The following SLIT1 variants were observed in gnomAD, a reference collection of about 807,000 sequenced individuals.
SLIT1 encodes slit homolog 1 protein.
SLIT1 carries 66 observed loss-of-function variants against 186.1 expected under a neutral mutation model. The observed-to-expected ratio is 0.35, with a 90% CI of 0.29 to 0.44. SLIT1 has a LOEUF of 0.44. SLIT1 is among the 20% of genes least tolerant of loss of function. SLIT1 has a pLI of 1.00. For missense variants in SLIT1, 1,638 were observed against 2,037.4 expected, an observed-to-expected ratio of 0.80 and a Z score of 3.77; for synonymous variants, 761 against 833.8, an observed-to-expected ratio of 0.91 and a Z score of 1.50.
chr10:97,001,247 G>A lies in SLIT1; in HGVS notation c.4470C>T (p.Gly1490=), dbSNP rs1216447237. The part of the protein sequence containing the change: ...TRPLSWVECR[G]SCPGQGCCQG... ...GGCAGCAGCCCTGGCCTGGGCACGA[G>A]CCCCGGCACTCCACCCATGACAGGG... Residue 1490 remains glycine, a synonymous_variant, in exon 37 of 37, where the codon GGC becomes GGT. Transcript: ENST00000266058. 1 of 1,613,076 alleles carries A rather than the reference G, an allele frequency of 6.2e-7. No individual in the cohort carries two copies. The highest frequency in any genetic ancestry group is 8.5e-7 in the Non-Finnish European group (1 of 1,179,964).
Position 97,090,720 on chromosome 10 carries a change from T to A in SLIT1, c.414-24634A>T, listed in dbSNP as rs115249663. On this transcript the variant is annotated intron_variant, in intron 4 of 36. Coordinates refer to ENST00000266058, the MANE Select transcript of SLIT1 (RefSeq NM_003061.3). ...GGCGGAAGAGGGTGCCACCAACAGC[T>A]CCCTTCACTGAGTGCTTGCACCACA... 3.6e-3 allele frequency among the ~76,000 whole-genome samples: 554 copies of A among 152,268 alleles called. 4 individuals are homozygous for A. Among genetic ancestry groups the A allele is most frequent in the African/African-American group, 0.013 (523 of 41,552 alleles).
intron 4 of SLIT1, among the ~76,000 whole-genome samples, chr10:97,119,912 G>GTTATATATATAT (rs1564680617): frequency 6.3e-5 from 1 of 15,840 alleles, no homozygotes; most frequent in Non-Finnish European, 1.9e-4. Flanking sequence ...TTTCCAAAGG[G>GTTATATATATAT]GTATATATAT....
chr10:97,039,412 C>T (rs1848669989), intron 21 of SLIT1, among the ~76,000 whole-genome samples: 1 of 152,198 alleles, frequency 6.6e-6, no homozygotes, highest in Non-Finnish European at 1.5e-5. Flanking sequence ...AAGAAGGCCA[C>T]CTTCTCACAT....
intron 25 of SLIT1, among the ~76,000 whole-genome samples, chr10:97,027,403 A>G (rs1054106940): frequency 6.6e-6 from 1 of 152,236 alleles, no homozygotes; most frequent in African/African-American, 2.4e-5. Context: ...GAATATAAGT[A>G]CACACACATC....
chr10:97,162,197 C>CT lies in SLIT1; in HGVS notation c.341+1182dup, dbSNP rs543975386. 2.8e-3 allele frequency among the ~76,000 whole-genome samples: 432 copies of CT among 152,320 alleles called. 2 individuals carry two copies. The highest frequency in any genetic ancestry group is 9.8e-3 in the African/African-American group (406 of 41,572). ...TAGTAATACTATTGTCATTTTTTATCTTTTCCATTTAACATTATATTGCGA... is the reference window on the plus strand; with the variant it reads ...TAGTAATACTATTGTCATTTTTTATCTTTTTCCATTTAACATTATATTGCGA... On this transcript the variant is annotated intron_variant, in intron 3 of 36. Transcript: ENST00000266058.
At chr10:97,144,630 T>C (rs1849798245) in intron 4 of SLIT1, among the ~76,000 whole-genome samples, 1 of 151,784 alleles carries the variant, frequency 6.6e-6, no homozygotes, top group Non-Finnish European at 1.5e-5. Flanking sequence ...CCCCGCTAAG[T>C]CAGAGACAAG....
At chr10:97,166,571 GAAAGAA>G (rs1375752588) in intron 1 of SLIT1, among the ~76,000 whole-genome samples, 2 of 59,452 alleles carry the variant, frequency 3.4e-5, no homozygotes, top group African/African-American at 5.8e-5. Context: ...GAGAGAGAGA[GAAAGAA>G]AGAAAGAAAG....
At chr10:97,119,939 A>ATATATATATATATATATATATATG (rs1292491658) in intron 4 of SLIT1, among the ~76,000 whole-genome samples, 41 of 136,684 alleles carry the variant, frequency 3.0e-4, no homozygotes, top group Non-Finnish European at 5.6e-4. Context: ...ATATATATAT[A>ATATATATATATATATATATATATG]TATATATGTA....
rs1220984987 is a variant in SLIT1, at chr10:97,010,325, C to T, written c.3341+668G>A. ...CAGTCACAAAGGACAACAGACTGTA[C>T]GATTCGACTTATAGGAAATCCCCAG... On this transcript the variant is annotated intron_variant, in intron 31 of 36. Transcript: ENST00000266058. This position sits in a 1 kb window ranked among gnomAD's most constrained non-coding sequence, Gnocchi z 4.8. Among the ~76,000 whole-genome samples, 7 of 152,270 alleles carry T rather than the reference C, an allele frequency of 4.6e-5. No individual in the cohort carries two copies. Among genetic ancestry groups the T allele is most frequent in the South Asian group, 2.1e-4 (1 of 4,824 alleles).
chr10:97,037,032 G>A (rs527613314), intron 22 of SLIT1, among the ~76,000 whole-genome samples: 3 of 150,082 alleles, frequency 2.0e-5, no homozygotes, highest in Non-Finnish European at 4.4e-5. Flanking sequence ...TCCTAACCTT[G>A]CAAGAATAAC....
At chr10:97,073,282 C>T (rs1164202428) in intron 4 of SLIT1, among the ~76,000 whole-genome samples, 1 of 152,196 alleles carries the variant, frequency 6.6e-6, no homozygotes, top group African/African-American at 2.4e-5. Flanking sequence ...GGGCCACCTT[C>T]ATCTTCCTCA....
chr10:97,170,176 G>A (rs1319360989), intron 1 of SLIT1, among the ~76,000 whole-genome samples: 4 of 152,324 alleles, frequency 2.6e-5, no homozygotes, highest in African/African-American at 9.6e-5. Context: ...GTGGGCTCTG[G>A]AGCCAGACCA....
chr10:97,007,536 A>G (rs1216778467), intron 31 of SLIT1, among the ~76,000 whole-genome samples: 1 of 152,206 alleles, frequency 6.6e-6, no homozygotes, highest in Non-Finnish European at 1.5e-5. Flanking sequence ...TATTGTCACC[A>G]AAATCCTCAA....
intron 31 of SLIT1, among the ~76,000 whole-genome samples, chr10:97,007,799 T>G (rs1848372811): frequency 6.6e-6 from 1 of 152,138 alleles, no homozygotes; most frequent in South Asian, 2.1e-4. Context: ...ATCAACCTGA[T>G]AAAGGGCACC....
Position 97,044,162 on chromosome 10 carries a change from G to A in SLIT1, c.1854-649C>T, listed in dbSNP as rs185569443. Among the ~76,000 whole-genome samples, 67 of 152,348 alleles carry A rather than the reference G, an allele frequency of 4.4e-4. 1 individual carries two copies. The highest frequency in any genetic ancestry group is 1.1e-3 in the Admixed American group (17 of 15,300). ...CATGCCTGTAAAAACAGCACTTTGG[G>A]AGGCCAAGGATTATTTGAAACCAGG... On this transcript the variant is annotated intron_variant, in intron 18 of 36. Coordinates refer to ENST00000266058, the MANE Select transcript of SLIT1 (RefSeq NM_003061.3).
chr10:97,110,970 C>T (rs747544285), intron 4 of SLIT1, among the ~76,000 whole-genome samples: 12 of 152,142 alleles, frequency 7.9e-5, no homozygotes, highest in African/African-American at 1.7e-4. Flanking sequence ...TGGGATAAAT[C>T]ACCTGAGGTC....
intron 4 of SLIT1, among the ~76,000 whole-genome samples, chr10:97,082,807 A>G (rs577900573): frequency 7.2e-5 from 11 of 152,302 alleles, no homozygotes; most frequent in Admixed American, 7.2e-4. Flanking sequence ...ATAGTCAGAG[A>G]GAATGTGTGT....
chr10:97,043,245 C>A lies in SLIT1; in HGVS notation c.1997+125G>T. The A allele has an allele frequency of 7.3e-7, 1 of 1,367,050 alleles. No individual in the cohort carries two copies. Among genetic ancestry groups the A allele is most frequent in the Non-Finnish European group, 1.0e-6 (1 of 980,526 alleles). 84.7% of individuals were successfully genotyped at this position (1,367,050 alleles called of 1,614,324 possible). On this transcript the variant is annotated intron_variant, in intron 19 of 36. Transcript: ENST00000266058. This position sits in a 1 kb window ranked among gnomAD's most constrained non-coding sequence, Gnocchi z 7.0. ...CGGAGGGAGACTTCGAAATGTGGAACCCACGTTTCAGCAAACCACGAAGAC... is the reference window on the plus strand; with the variant it reads ...CGGAGGGAGACTTCGAAATGTGGAAACCACGTTTCAGCAAACCACGAAGAC...
intron 22 of SLIT1, among the ~76,000 whole-genome samples, chr10:97,036,982 G>T (rs2134616230): frequency 6.6e-6 from 1 of 152,154 alleles, no homozygotes; most frequent in East Asian, 1.9e-4. Context: ...GCTGGACCGA[G>T]AAGCTTTCCA....
Sources: gnomAD v4.1 joint callset for allele counts (sites outside exome capture counted in the v4.1 genomes callset) on GRCh38, gnomAD v4.1.1 for gene constraint, Gnocchi (gnomAD v3.1) non-coding constraint, MANE v1.5 for transcripts, NCBI Gene and HGNC (gene_info 2026-07-23, HGNC 2026-07-21) for gene names.